PDZRN3: variants seen among roughly 807,000 people sequenced by gnomAD.
PDZRN3 encodes E3 ubiquitin-protein ligase PDZRN3.
PDZRN3 carries 38 observed loss-of-function variants against 85.7 expected under a neutral mutation model. The ratio of observed to expected loss-of-function variants is 0.44; its 90% CI spans 0.34 to 0.58. The LOEUF (loss-of-function observed/expected upper bound fraction) is 0.58. Among genes scored for constraint, PDZRN3 ranks in the 20% least tolerant of loss-of-function variants. PDZRN3 has a pLI of 0.01. For synonymous variants in PDZRN3, 759 were observed against 638.0 expected, an observed-to-expected ratio of 1.19 and a Z score of -2.86; for missense variants, 1,629 against 1,506.4, an observed-to-expected ratio of 1.08 and a Z score of -1.35.
chr3:73,467,456 G>A lies in PDZRN3; in HGVS notation c.919-63061C>T, dbSNP rs147066186. Among the ~76,000 whole-genome samples the A allele has an allele frequency of 2.5e-4, 38 of 152,248 alleles. No individual in the cohort carries two copies. In the East Asian group the frequency reaches 7.1e-3, roughly 29 times the overall value. ...CTGTTCATTTCTTCTTTCCTGCCTA[G>A]ATGTTCTACACAGCGATTCCCAGTA... On this transcript the variant is annotated intron_variant, in intron 3 of 9. Coordinates refer to ENST00000263666, the MANE Select transcript of PDZRN3 (RefSeq NM_015009.3).
chr3:73,401,193 G>A, intron 4 of PDZRN3, 184 bp from the exon 5 acceptor site: 2 of 551,718 alleles, frequency 3.6e-6, no homozygotes, highest in Non-Finnish European at 6.6e-6. Flanking sequence ...TTTACCATTT[G>A]CCTTTAGTAC....
In PDZRN3 at chr3:73,510,964, A is replaced by G. The variant is rs563248467; in HGVS notation, c.918+91390T>C. Among the ~76,000 whole-genome samples, 6 of 152,342 alleles carry G rather than the reference A, an allele frequency of 3.9e-5. No individual in the cohort carries two copies. In the South Asian group the frequency reaches 1.2e-3, roughly 32 times the overall value. ...ACCACAAGCAGCTGAAACCTTGGAC[A>G]GAGAAACCGTGGCTGGGGGGACCAC... On this transcript the variant is annotated intron_variant, in intron 3 of 9. Coordinates refer to ENST00000263666, the MANE Select transcript of PDZRN3 (RefSeq NM_015009.3).
In PDZRN3 at chr3:73,399,344, C is replaced by G. The variant is rs148541137; in HGVS notation, c.1254+1578G>C. On this transcript the variant is annotated intron_variant, in intron 5 of 9. Coordinates refer to ENST00000263666, the MANE Select transcript of PDZRN3 (RefSeq NM_015009.3). ...AGAGCAGTGTTTCTCCAACAGTGTTCCAGAGAACTGTAGACTGAGGAAATA... is the reference window on the plus strand; with the variant it reads ...AGAGCAGTGTTTCTCCAACAGTGTTGCAGAGAACTGTAGACTGAGGAAATA... 1.1e-4 allele frequency among the ~76,000 whole-genome samples: 17 copies of G among 152,252 alleles called. No homozygotes were observed. The East Asian group carries it at 2.9e-3, about 26-fold the overall frequency.
chr3:73,569,358 G>A, intron 3 of PDZRN3: 2 of 1,203,154 alleles, frequency 1.7e-6, no homozygotes, highest in Non-Finnish European at 2.1e-6. Context: ...TCTTTAGTGA[G>A]GAGGCTGGGA....
chr3:73,537,629 AT>A (rs1241834124), intron 3 of PDZRN3, among the ~76,000 whole-genome samples: 1 of 151,700 alleles, frequency 6.6e-6, no homozygotes, highest in African/African-American at 2.4e-5. Context: ...AAATTAATTT[AT>A]TTATTTCGAG....
At chr3:73,463,755 A>C (rs2106870724) in intron 3 of PDZRN3, among the ~76,000 whole-genome samples, 1 of 152,346 alleles carries the variant, frequency 6.6e-6, no homozygotes, top group Non-Finnish European at 1.5e-5. Context: ...AATAGCAAAG[A>C]CATGGAATCA....
chr3:73,548,239 C>A (rs983166056), intron 3 of PDZRN3, among the ~76,000 whole-genome samples: 1 of 152,164 alleles, frequency 6.6e-6, no homozygotes, highest in Non-Finnish European at 1.5e-5. Context: ...ATGTGACAGG[C>A]GCTTGGGGTC....
At chr3:73,535,099 T>C (rs1704745795) in intron 3 of PDZRN3, among the ~76,000 whole-genome samples, 2 of 152,132 alleles carry the variant, frequency 1.3e-5, no homozygotes, top group Non-Finnish European at 2.9e-5. Flanking sequence ...GTGTTGTCTT[T>C]TCCTTCTGCC....
intron 3 of PDZRN3, among the ~76,000 whole-genome samples, chr3:73,431,764 A>C (rs540062999): frequency 6.6e-6 from 1 of 152,356 alleles, no homozygotes; most frequent in South Asian, 2.1e-4. Flanking sequence ...TTTACTGAGC[A>C]ATGCTTCAGC....
intron 3 of PDZRN3, among the ~76,000 whole-genome samples, chr3:73,426,434 G>A (rs1702316649): frequency 6.6e-6 from 1 of 151,944 alleles, no homozygotes; most frequent in African/African-American, 2.4e-5. Flanking sequence ...CTCCTTTACA[G>A]ACAAAATTCA....
chr3:73,566,693 A>G (rs1042847947), intron 3 of PDZRN3, among the ~76,000 whole-genome samples: 1 of 152,182 alleles, frequency 6.6e-6, no homozygotes. Context: ...ATGGCCCATA[A>G]TAGGATTAGT....
chr3:73,466,470 TCACCTGA>T (rs1174904763), intron 3 of PDZRN3, among the ~76,000 whole-genome samples: 4 of 152,172 alleles, frequency 2.6e-5, no homozygotes, highest in African/African-American at 7.2e-5. Flanking sequence ...GGTAAAAACC[TCACCTGA>T]ATTGGTGCTT....
rs1237797450 is a variant in PDZRN3 at position 73,383,467 on chromosome 3, G to A, written c.3099C>T (p.Ile1033=). 7.4e-6 allele frequency: 12 copies of A among 1,614,084 alleles called. No individual in the cohort carries two copies. Among genetic ancestry groups the A allele is most frequent in the South Asian group, 1.1e-5 (1 of 91,092 alleles). The change falls in exon 10 of 10, where the codon ATC becomes ATT. Residue 1033 remains isoleucine, a synonymous_variant. Transcript: ENST00000263666. The part of the protein sequence containing the change: ...KKMMKKRNKK[I]FDNWMTIQEL... ...CTTGGATCGTCATCCAGTTATCGAAGATTTTCTTATTCCTCTTCTTCATCA... is the reference window on the plus strand; with the variant it reads ...CTTGGATCGTCATCCAGTTATCGAAAATTTTCTTATTCCTCTTCTTCATCA...
At chr3:73,624,077 G>A (rs1255446284) in intron 1 of PDZRN3, 26 bp downstream of exon 1, 6 of 1,418,512 alleles carry the variant, frequency 4.2e-6, no homozygotes, top group Non-Finnish European at 4.6e-6. Context: ...CCTGGCTGGA[G>A]GTCGGGGCGG....
chr3:73,447,008 C>A (rs1464020078), intron 3 of PDZRN3, among the ~76,000 whole-genome samples: 1 of 147,750 alleles, frequency 6.8e-6, no homozygotes, highest in African/African-American at 2.5e-5. Context: ...TGGACGTGAG[C>A]TGAACCTTCC....
chr3:73,430,455 G>C (rs1702408971), intron 3 of PDZRN3, among the ~76,000 whole-genome samples: 1 of 152,176 alleles, frequency 6.6e-6, no homozygotes, highest in Non-Finnish European at 1.5e-5. Context: ...TTTACAAAAA[G>C]TCTCTGGTCG....
chr3:73,385,795 A>G lies in PDZRN3; in HGVS notation c.1519-10T>C. 3 of 1,504,770 alleles carry G rather than the reference A, an allele frequency of 2.0e-6. No homozygotes were observed. The highest frequency in any genetic ancestry group is 1.1e-5 in the South Asian group (1 of 88,854). The allele number at this position is 1,504,770 out of a possible 1,614,324, so 93.2% of individuals were successfully genotyped here. Reference sequence around the variant, plus strand: ...TCCAGCCCTCATCCAGCTGCAGGCAAGAGCAGCCAACACATGCCTTAGAAG... The same window carrying G: ...TCCAGCCCTCATCCAGCTGCAGGCAGGAGCAGCCAACACATGCCTTAGAAG... On this transcript the variant is annotated splice_polypyrimidine_tract_variant and intron_variant, in intron 8 of 9. Coordinates refer to ENST00000263666, the MANE Select transcript of PDZRN3 (RefSeq NM_015009.3).
At chr3:73,623,713 T>C (rs1702906349) in intron 1 of PDZRN3, 1 of 170,752 alleles carries the variant, frequency 5.9e-6, no homozygotes, top group African/African-American at 2.4e-5. Context: ...AGTCTATAGG[T>C]TTCTGACCTC....
intron 3 of PDZRN3, among the ~76,000 whole-genome samples, chr3:73,596,433 A>G (rs911644856): frequency 6.6e-6 from 1 of 152,202 alleles, no homozygotes; most frequent in Non-Finnish European, 1.5e-5. Context: ...GCCTCAAAGC[A>G]TCTACCTACA....
Sources: gnomAD v4.1 joint callset for allele counts (sites outside exome capture counted in the v4.1 genomes callset) on GRCh38, gnomAD v4.1.1 for gene constraint, MANE v1.5 for transcripts, NCBI Gene and HGNC (gene_info 2026-07-23, HGNC 2026-07-21) for gene names.